Variants in MYO3B observed in about 807,000 individuals in gnomAD.
MYO3B encodes myosin-IIIb.
A neutral mutation model predicts 174.6 loss-of-function variants in MYO3B; 156 were observed. The ratio of observed to expected loss-of-function variants is 0.89; its 90% CI spans 0.78 to 1.02. MYO3B has a LOEUF of 1.02. Ranked by LOEUF, MYO3B falls within the 50% of genes least tolerant of loss-of-function variation. The pLI, the probability that MYO3B is intolerant of heterozygous loss-of-function variation, is 0.00. For missense variants in MYO3B, 1,632 were observed against 1,639.4 expected (o/e 1.00, Z 0.08); for synonymous variants, 563 against 569.1 (o/e 0.99, Z 0.15).
At chr2:170,458,509 G>T (rs1477329889) in intron 23 of MYO3B, among the ~76,000 whole-genome samples, 1 of 152,162 alleles carries the variant, frequency 6.6e-6, no homozygotes, top group Non-Finnish European at 1.5e-5. Context: ...CCACTTTTGG[G>T]AAGAATTATT....
chr2:170,452,773 G>C (rs1191052427), intron 23 of MYO3B, among the ~76,000 whole-genome samples: 2 of 152,118 alleles, frequency 1.3e-5, no homozygotes, highest in Non-Finnish European at 2.9e-5. Context: ...AGATAATTGA[G>C]AGAAATAAAA....
intron 32 of MYO3B, among the ~76,000 whole-genome samples, chr2:170,629,305 G>A (rs949401880): frequency 6.6e-6 from 1 of 152,162 alleles, no homozygotes; most frequent in Non-Finnish European, 1.5e-5. Flanking sequence ...TGGATTAGCA[G>A]CCAGTATCAC....
intron 32 of MYO3B, among the ~76,000 whole-genome samples, chr2:170,627,402 C>A (rs541736137): frequency 6.6e-6 from 1 of 152,304 alleles, no homozygotes; most frequent in East Asian, 1.9e-4. Flanking sequence ...TCAGCTCCAT[C>A]AGGTCCTTTA....
In MYO3B at chr2:170,393,977, G is replaced by A. The variant is rs2094430251; in HGVS notation, c.1791+1482G>A. ...GCATCCCCAGAAGAGTTAAAGCATG[G>A]TAGGAATGGCAGTGGAGCAATTTAA... is the stretch of plus-strand genomic sequence containing the variant. On this transcript the variant is annotated intron_variant, in intron 16 of 34. Transcript: ENST00000408978. Among the ~76,000 whole-genome samples the A allele has an allele frequency of 2.0e-5, 3 of 152,150 alleles. No homozygotes were observed. In the South Asian group the frequency reaches 6.2e-4, roughly 32 times the overall value.
intron 1 of MYO3B, among the ~76,000 whole-genome samples, chr2:170,192,947 G>A (rs1231604756): frequency 6.6e-6 from 1 of 151,622 alleles, no homozygotes; most frequent in African/African-American, 2.4e-5. Flanking sequence ...GTGGCTTAAT[G>A]TATTCCTTAT....
chr2:170,584,330 A>G (rs1348963444), intron 32 of MYO3B, among the ~76,000 whole-genome samples: 3 of 152,198 alleles, frequency 2.0e-5, no homozygotes, highest in Non-Finnish European at 4.4e-5. Flanking sequence ...TTTTAAGAGT[A>G]AAACAGGGTC....
rs569407566 is a variant in MYO3B at position 170,305,186 on chromosome 2, G to A, written c.750-30199G>A. 3.3e-5 allele frequency among the ~76,000 whole-genome samples: 5 copies of A among 152,154 alleles called. No individual in the cohort carries two copies. In the South Asian group the frequency reaches 1.0e-3, roughly 32 times the overall value. Reference sequence around the variant, plus strand: ...ATAACCTGTTGTTTCAACACCAGGGGACACATCCTCTATTCTCTGTCACGG... The same window carrying A: ...ATAACCTGTTGTTTCAACACCAGGGAACACATCCTCTATTCTCTGTCACGG... On this transcript the variant is annotated intron_variant, in intron 7 of 34. Transcript: ENST00000408978.
chr2:170,250,787 G>T (rs2093243650), intron 7 of MYO3B, among the ~76,000 whole-genome samples: 2 of 152,112 alleles, frequency 1.3e-5, no homozygotes, highest in South Asian at 2.1e-4. Flanking sequence ...TGAGGAGCTG[G>T]ACAGGGGATG....
intron 6 of MYO3B, among the ~76,000 whole-genome samples, chr2:170,230,334 TAA>T (rs2093000852): frequency 1.6e-5 from 2 of 126,022 alleles, no homozygotes; most frequent in Admixed American, 9.0e-5. Flanking sequence ...CACGCCTGGC[TAA>T]TTTTTTTTTT....
chr2:170,503,019 AATTCTTGTT>A (rs1183626877), intron 28 of MYO3B, among the ~76,000 whole-genome samples: 2 of 152,324 alleles, frequency 1.3e-5, no homozygotes, highest in East Asian at 3.9e-4. Flanking sequence ...AGAGGGATGC[AATTCTTGTT>A]ACAGCTTAAG....
At chr2:170,327,403 T>C (rs2093876925) in intron 7 of MYO3B, among the ~76,000 whole-genome samples, 1 of 137,288 alleles carries the variant, frequency 7.3e-6, no homozygotes, top group African/African-American at 2.6e-5. Flanking sequence ...CAAAGAAGAA[T>C]CAACAAGCTT....
chr2:170,639,837 T>G (rs1221088992), intron 32 of MYO3B, among the ~76,000 whole-genome samples: 1 of 152,116 alleles, frequency 6.6e-6, no homozygotes, highest in Non-Finnish European at 1.5e-5. Context: ...ATTTCCATGG[T>G]CAGCAAAATT....
intron 6 of MYO3B, among the ~76,000 whole-genome samples, chr2:170,220,682 T>C (rs1311655799): frequency 6.6e-6 from 1 of 150,578 alleles, no homozygotes; most frequent in Non-Finnish European, 1.5e-5. Context: ...GGACAGTTTA[T>C]GGTGAGCTTT....
intron 22 of MYO3B, among the ~76,000 whole-genome samples, chr2:170,443,347 A>G (rs1234579902): frequency 6.6e-6 from 1 of 151,848 alleles, no homozygotes; most frequent in East Asian, 1.9e-4. Context: ...GGGTTGTTTG[A>G]TTTTTTCTTG....
At chr2:170,599,621 G>A (rs944189876) in intron 32 of MYO3B, among the ~76,000 whole-genome samples, 26 of 152,132 alleles carry the variant, frequency 1.7e-4, no homozygotes, top group African/African-American at 5.1e-4. Context: ...GGTGGCGGGC[G>A]CCTGTAATCC....
At chr2:170,595,824 T>C (rs6734646) in intron 32 of MYO3B, among the ~76,000 whole-genome samples, 45,374 of 152,000 alleles carry the variant, frequency 0.3, 7,822 homozygotes, top group East Asian at 0.51. Context: ...GCTTCTCTTC[T>C]CACTGTTATT....
intron 25 of MYO3B, among the ~76,000 whole-genome samples, chr2:170,479,248 C>T (rs1026950365): frequency 6.7e-6 from 1 of 150,062 alleles, no homozygotes; most frequent in African/African-American, 2.4e-5. Flanking sequence ...CATGCCACTG[C>T]ACTCCAGCCT....
intron 7 of MYO3B, among the ~76,000 whole-genome samples, chr2:170,269,362 T>C (rs2093410309): frequency 6.6e-6 from 1 of 152,214 alleles, no homozygotes; most frequent in Non-Finnish European, 1.5e-5. Flanking sequence ...GGTTCTCACC[T>C]TACCACTTCA....
At chr2:170,596,971 A>G (rs563045185) in intron 32 of MYO3B, among the ~76,000 whole-genome samples, 1 of 152,166 alleles carries the variant, frequency 6.6e-6, no homozygotes, top group Non-Finnish European at 1.5e-5. Flanking sequence ...AGGCGGGAAA[A>G]TATGGCTGGG....
Sources: allele counts gnomAD v4.1 joint callset (sites outside exome capture counted in the v4.1 genomes callset), GRCh38; gene constraint gnomAD v4.1.1; transcripts MANE v1.5; gene names NCBI Gene and HGNC (gene_info 2026-07-23, HGNC 2026-07-21).